The following GRM8 variants were observed in gnomAD, a reference collection of about 807,000 sequenced individuals.
GRM8 encodes metabotropic glutamate receptor 8.
Under a neutral mutation model 87.2 loss-of-function variants are expected in GRM8, and 47 were observed. That is an observed-to-expected ratio of 0.54 (90% CI 0.43 to 0.69). The LOEUF (loss-of-function observed/expected upper bound fraction) is 0.69. Among genes scored for constraint, GRM8 ranks in the 30% least tolerant of loss-of-function variants. The pLI is 0.00. For synonymous variants in GRM8, 396 were observed against 404.5 expected (o/e 0.98, Z 0.25); for missense variants, 1,019 against 1,139.2 (o/e 0.89, Z 1.52).
intron 2 of GRM8, among the ~76,000 whole-genome samples, chr7:127,175,815 T>C (rs1380668337): frequency 6.6e-6 from 1 of 152,120 alleles, no homozygotes; most frequent in Non-Finnish European, 1.5e-5. Context: ...AGGGAATTCA[T>C]TACCAGAAGA....
chr7:126,567,206 A>G (rs1281168568), intron 8 of GRM8, among the ~76,000 whole-genome samples: 1 of 152,168 alleles, frequency 6.6e-6, no homozygotes, highest in Non-Finnish European at 1.5e-5. Flanking sequence ...TGTATTGTGC[A>G]CTTAAAAATT....
chr7:126,497,711 G>T (rs1441551340), intron 9 of GRM8, among the ~76,000 whole-genome samples: 2 of 151,984 alleles, frequency 1.3e-5, no homozygotes, highest in East Asian at 3.9e-4. Flanking sequence ...AATGGTAAAT[G>T]TAAAACTTAA....
intron 7 of GRM8, among the ~76,000 whole-genome samples, chr7:126,737,554 C>A (rs1814376856): frequency 6.6e-6 from 1 of 151,948 alleles, no homozygotes; most frequent in South Asian, 2.1e-4. Flanking sequence ...TCGGCTCTGT[C>A]TAGGCAGCGG....
At chr7:126,869,505 A>G (rs1162964552) in intron 6 of GRM8, 2 of 152,192 alleles carry the variant, frequency 1.3e-5, no homozygotes, top group Non-Finnish European at 2.9e-5. Flanking sequence ...TTTTGTAATA[A>G]TCAGATTTGA....
At chr7:127,092,494 G>A (rs1824240895) in intron 3 of GRM8, among the ~76,000 whole-genome samples, 1 of 152,182 alleles carries the variant, frequency 6.6e-6, no homozygotes, top group East Asian at 1.9e-4. Flanking sequence ...CCAGGAGTTT[G>A]AGATGAGCCT....
chr7:126,765,475 T>A (rs1253507781), intron 7 of GRM8, among the ~76,000 whole-genome samples: 1 of 152,082 alleles, frequency 6.6e-6, no homozygotes, highest in Non-Finnish European at 1.5e-5. Context: ...TGCCCTGATA[T>A]GAGCTCAGCT....
At chr7:126,571,065 G>C (rs1322117708) in intron 8 of GRM8, among the ~76,000 whole-genome samples, 1 of 152,144 alleles carries the variant, frequency 6.6e-6, no homozygotes, top group Non-Finnish European at 1.5e-5. Context: ...GCTGGCCTAG[G>C]ACCTGGCTCA....
At chr7:127,185,241 A>T (rs1274630613) in intron 2 of GRM8, among the ~76,000 whole-genome samples, 1 of 152,138 alleles carries the variant, frequency 6.6e-6, no homozygotes, top group Non-Finnish European at 1.5e-5. Flanking sequence ...GCAATGTCGT[A>T]TTAGCAAAAG....
intron 9 of GRM8, among the ~76,000 whole-genome samples, chr7:126,479,629 G>A (rs958505620): frequency 1.3e-5 from 2 of 152,014 alleles, no homozygotes; most frequent in African/African-American, 4.8e-5. Flanking sequence ...GTCAGCTGAT[G>A]TTTATTTGGG....
At chr7:126,637,478 AG>A (rs1380378057) in intron 7 of GRM8, among the ~76,000 whole-genome samples, 1 of 152,158 alleles carries the variant, frequency 6.6e-6, no homozygotes, top group Non-Finnish European at 1.5e-5. Flanking sequence ...TTTAAAAAAA[AG>A]AAGTTAAATA....
At chr7:126,616,271 G>A (rs1034790746) in intron 7 of GRM8, among the ~76,000 whole-genome samples, 8 of 152,222 alleles carry the variant, frequency 5.3e-5, no homozygotes, top group Non-Finnish European at 1.2e-4. Context: ...GCTCCTGAAT[G>A]ACTACTGGGT....
Position 126,499,199 on chromosome 7 carries a change from CA to C in GRM8, c.2430+33752del, listed in dbSNP as rs532683952. On this transcript the variant is annotated intron_variant, in intron 9 of 10. Transcript: ENST00000339582. The stretch of plus-strand genomic sequence containing the variant: ...CTGGGGGAAGAGTGTCTGCAAACTA[CA>C]TTTTTTTTTTTATTTTCTTAAGGTT... Among the ~76,000 whole-genome samples the C allele has an allele frequency of 9.0e-4, 133 of 148,058 alleles. 1 individual carries two copies. Among genetic ancestry groups the C allele is most frequent in the African/African-American group, 3.4e-3 (130 of 38,050 alleles).
chr7:127,106,499 T>C lies in GRM8; in HGVS notation c.724A>G (p.Ile242Val). The change falls in exon 3 of 11, where the codon ATT becomes GTT. Residue 242 changes from isoleucine to valine, a missense_variant. Coordinates refer to ENST00000339582, the MANE Select transcript of GRM8 (RefSeq NM_000845.3). ...CATCTGATAAATATATGCTTACCAA[T>C]CTCCCTCGAGATCTGGGTGAAGGCC... ...VEAFTQISRE[I>V]GGVCIAQSQK... 6.2e-7 allele frequency: 1 copy of C among 1,611,042 alleles called. No individual in the cohort carries two copies. Among genetic ancestry groups the C allele is most frequent in the South Asian group, 1.1e-5 (1 of 91,018 alleles).
chr7:126,809,328 T>G (rs1319028696), intron 6 of GRM8, among the ~76,000 whole-genome samples: 1 of 152,172 alleles, frequency 6.6e-6, no homozygotes, highest in Admixed American at 6.5e-5. Context: ...TGAACATCTT[T>G]GAGGGGCTAT....
rs1167370285 is a variant in GRM8, at chr7:127,252,762, G to A, written c.-312+35C>T. The A allele has an allele frequency of 6.5e-6, 1 of 154,854 alleles. No homozygotes were observed. Among genetic ancestry groups the A allele is most frequent in the Non-Finnish European group, 1.4e-5 (1 of 69,370 alleles). 9.6% of individuals were successfully genotyped at this position (154,854 alleles called of 1,614,324 possible). A position where few individuals can be genotyped will look rare whatever the true frequency, so the allele number is the denominator to read the frequency against. On this transcript the variant is annotated intron_variant, in intron 1 of 10. Coordinates refer to ENST00000339582, the MANE Select transcript of GRM8 (RefSeq NM_000845.3). The surrounding 1 kb of genome is among the most constrained non-coding windows in gnomAD (Gnocchi z 4.9). ...CCGTGGTTCGGCACTTGCTTTCCTCGGAGCCGCTTTCTGCTGCCGGGCGGC... is the reference window on the plus strand; with the variant it reads ...CCGTGGTTCGGCACTTGCTTTCCTCAGAGCCGCTTTCTGCTGCCGGGCGGC...
At chr7:126,806,273 G>A (rs561386141) in intron 6 of GRM8, among the ~76,000 whole-genome samples, 47 of 152,240 alleles carry the variant, frequency 3.1e-4, no homozygotes, top group African/African-American at 1.1e-3. Context: ...CGCATCTGGA[G>A]TTGTTCCTTC....
rs556447596 is a variant in GRM8, at chr7:126,857,128, A to C, written c.1156+45414T>G. On this transcript the variant is annotated intron_variant, in intron 6 of 10. Transcript: ENST00000339582. ...GACATAATTACTCACTAGAGAAACT[A>C]TGCCTATTCTAGAAGGGACAAGGGA... 2.0e-5 allele frequency among the ~76,000 whole-genome samples: 3 copies of C among 152,352 alleles called. No individual in the cohort carries two copies. In the South Asian group the frequency reaches 6.2e-4, roughly 32 times the overall value.
At chr7:126,441,722 T>C (rs1256584665) in intron 10 of GRM8, among the ~76,000 whole-genome samples, 2 of 152,102 alleles carry the variant, frequency 1.3e-5, no homozygotes, top group Non-Finnish European at 2.9e-5. Flanking sequence ...AGTGACACTA[T>C]TGATGGATTA....
chr7:126,735,194 T>C (rs1430746003), intron 7 of GRM8, among the ~76,000 whole-genome samples: 1 of 152,022 alleles, frequency 6.6e-6, no homozygotes, highest in Non-Finnish European at 1.5e-5. Flanking sequence ...TTGTAAAATA[T>C]ATGTCAGACA....
Sources: allele counts gnomAD v4.1 joint callset (sites outside exome capture counted in the v4.1 genomes callset), GRCh38; gene constraint gnomAD v4.1.1; non-coding constraint Gnocchi (gnomAD v3.1); transcripts MANE v1.5; gene names NCBI Gene and HGNC (gene_info 2026-07-23, HGNC 2026-07-21).